Variants in NEXMIF observed in about 807,000 individuals in gnomAD.
The protein encoded by NEXMIF is neurite extension and migration factor, also known as XLMR protein related to neurite extension.
NEXMIF carries 8 observed loss-of-function variants against 62.1 expected under a neutral mutation model. The ratio of observed to expected loss-of-function variants is 0.13; its 90% CI spans 0.08 to 0.23. The LOEUF (loss-of-function observed/expected upper bound fraction) is 0.23, where lower values mean the gene tolerates loss of function less well. Among genes scored for constraint, NEXMIF ranks in the 10% least tolerant of loss-of-function variants. The pLI is 1.00. For synonymous variants in NEXMIF, 404 were observed against 416.6 expected, an observed-to-expected ratio of 0.97 and a Z score of 0.37; for missense variants, 976 against 1,113.3, an observed-to-expected ratio of 0.88 and a Z score of 1.75.
chrX:74,751,813 C>CTCCCTTCCT lies in NEXMIF; in HGVS notation c.-47-6125_-47-6117dup, dbSNP rs1427681100. 1.6e-4 allele frequency among the ~76,000 whole-genome samples: 16 copies of CTCCCTTCCT among 98,145 alleles called. 1 individual carries two copies. In the South Asian group the frequency reaches 2.8e-3, roughly 17 times the overall value. 85.2% of individuals were successfully genotyped at this position (98,145 alleles called of 115,157 possible). Reference sequence around the variant, plus strand: ...TCTTCTTTCCTTCCCTCCCTCCCTCCTCCCTTCCTTCCCTTCCTTCCCTTC... The same window carrying CTCCCTTCCT: ...TCTTCTTTCCTTCCCTCCCTCCCTCCTCCCTTCCTTCCCTTCCTTCCCTTCCTTCCCTTC... On this transcript the variant is annotated intron_variant, in intron 1 of 3. Coordinates refer to ENST00000055682, the MANE Select transcript of NEXMIF (RefSeq NM_001008537.3).
chrX:74,854,725 C>A (rs1243371360), intron 1 of NEXMIF, among the ~76,000 whole-genome samples: 3 of 111,935 alleles, frequency 2.7e-5, no homozygotes, highest in African/African-American at 9.7e-5. Context: ...AACACAAAAT[C>A]AACACACACA....
intron 1 of NEXMIF, among the ~76,000 whole-genome samples, chrX:74,748,818 C>T (rs1007361153): frequency 9.0e-6 from 1 of 111,551 alleles, no homozygotes; most frequent in South Asian, 3.8e-4. Flanking sequence ...CCCACACCAA[C>T]ATTTGTGTTG....
At chrX:74,881,407 CACACACACACACACACAG>C (rs2080662922) in intron 1 of NEXMIF, among the ~76,000 whole-genome samples, 2 of 101,766 alleles carry the variant, frequency 2.0e-5, no homozygotes, top group Non-Finnish European at 3.9e-5. Flanking sequence ...CACACACACA[CACACACACACACACACAG>C]AGCAAATACA....
In NEXMIF at chrX:74,856,498, A is replaced by G. The variant is rs1037510949; in HGVS notation, c.-48+68385T>C. 3.6e-5 allele frequency among the ~76,000 whole-genome samples: 4 copies of G among 111,574 alleles called. No homozygotes were observed. The Admixed American group carries it at 3.8e-4, about 11-fold the overall frequency. ...AGCGGAGGAGAGAGAAAAAGGACGA[A>G]AAGAATACAGTAATGCACTGCGTAA... On this transcript the variant is annotated intron_variant, in intron 1 of 3. Transcript: ENST00000055682.
chrX:74,885,943 A>C (rs1446301054), intron 1 of NEXMIF, among the ~76,000 whole-genome samples: 2 of 111,922 alleles, frequency 1.8e-5, no homozygotes, highest in African/African-American at 3.2e-5. Flanking sequence ...CAAAAAGCTT[A>C]CCCACCATGA....
intron 1 of NEXMIF, among the ~76,000 whole-genome samples, chrX:74,752,953 CAG>C (rs2080148801): frequency 9.0e-6 from 1 of 111,451 alleles, no homozygotes; most frequent in South Asian, 3.7e-4. Context: ...ATATTAGGAA[CAG>C]AGAGATCAAC....
At chrX:74,857,821 A>T (rs1220574983) in intron 1 of NEXMIF, among the ~76,000 whole-genome samples, 1 of 111,529 alleles carries the variant, frequency 9.0e-6, no homozygotes, top group African/African-American at 3.3e-5. Flanking sequence ...CATTTGCCAC[A>T]AGCTGATTGA....
intron 1 of NEXMIF, among the ~76,000 whole-genome samples, chrX:74,918,709 C>T (rs778167925): frequency 8.9e-6 from 1 of 112,327 alleles, no homozygotes; most frequent in South Asian, 3.7e-4. Context: ...TAACATTGAA[C>T]TAAATGAAGC....
chrX:74,834,929 A>G (rs187843744), intron 1 of NEXMIF, among the ~76,000 whole-genome samples: 1 of 111,755 alleles, frequency 8.9e-6, no homozygotes, highest in African/African-American at 3.3e-5. Context: ...TCTAAATGCA[A>G]TAGCTCTTAG....
At chrX:74,882,161 T>C (rs1325496254) in intron 1 of NEXMIF, among the ~76,000 whole-genome samples, 1 of 108,657 alleles carries the variant, frequency 9.2e-6, no homozygotes, top group East Asian at 2.9e-4. Context: ...GAAAATGTGG[T>C]GGGGTGGAGC....
chrX:74,796,178 TATAC>T (rs1163413880), intron 1 of NEXMIF, among the ~76,000 whole-genome samples: 2 of 73,455 alleles, frequency 2.7e-5, no homozygotes, highest in African/African-American at 1.1e-4. Flanking sequence ...ATATTATATA[TATAC>T]ATATATATTA....
rs1164672406 is a variant in NEXMIF at position 74,873,759 on chromosome X, T to C, written c.-48+51124A>G. Among the ~76,000 whole-genome samples the C allele has an allele frequency of 3.6e-5, 4 of 112,561 alleles. No homozygotes were observed. The East Asian group carries it at 1.1e-3, about 31-fold the overall frequency. Reference sequence around the variant, plus strand: ...GATGGCCAGTGATGATGAGCATTTTTTCATGTGTTTTTTGGCTGCATAAAT... The same window carrying C: ...GATGGCCAGTGATGATGAGCATTTTCTCATGTGTTTTTTGGCTGCATAAAT... On this transcript the variant is annotated intron_variant, in intron 1 of 3. Coordinates refer to ENST00000055682, the MANE Select transcript of NEXMIF (RefSeq NM_001008537.3).
chrX:74,873,503 C>G (rs1317502365), intron 1 of NEXMIF, among the ~76,000 whole-genome samples: 2 of 111,969 alleles, frequency 1.8e-5, no homozygotes, highest in Non-Finnish European at 3.8e-5. Context: ...TGGGTATATA[C>G]CCAGTAATGG....
intron 1 of NEXMIF, among the ~76,000 whole-genome samples, chrX:74,746,876 T>C (rs1298677915): frequency 8.9e-6 from 1 of 112,745 alleles, no homozygotes; most frequent in Non-Finnish European, 1.9e-5. Context: ...ATTTGATGCA[T>C]AGGCAATAAA....
chrX:74,762,298 C>T (rs1331307094), intron 1 of NEXMIF, among the ~76,000 whole-genome samples: 1 of 111,054 alleles, frequency 9.0e-6, no homozygotes, highest in Non-Finnish European at 1.9e-5. Flanking sequence ...TGAACTCATC[C>T]TTTTTTATGG....
chrX:74,802,266 T>A (rs2080332091), intron 1 of NEXMIF, among the ~76,000 whole-genome samples: 1 of 111,354 alleles, frequency 9.0e-6, no homozygotes, highest in South Asian at 3.8e-4. Context: ...CCCAGTGTTG[T>A]GCTGGCTTCA....
chrX:74,854,587 C>A (rs999327358), intron 1 of NEXMIF, among the ~76,000 whole-genome samples: 6 of 111,485 alleles, frequency 5.4e-5, no homozygotes, highest in African/African-American at 2.0e-4. Context: ...AGCAATCAGG[C>A]AAGAGAAAGA....
intron 1 of NEXMIF, among the ~76,000 whole-genome samples, chrX:74,918,364 G>T (rs1297419001): frequency 8.9e-6 from 1 of 111,913 alleles, no homozygotes; most frequent in Non-Finnish European, 1.9e-5. Context: ...CACATCTTCA[G>T]GATGTGTTCC....
intron 1 of NEXMIF, among the ~76,000 whole-genome samples, chrX:74,912,893 A>C (rs1459744932): frequency 1.8e-5 from 2 of 112,041 alleles, no homozygotes; most frequent in East Asian, 5.6e-4. Flanking sequence ...ACAAGCAAGC[A>C]GACTTCTACT....
Sources: allele counts gnomAD v4.1 joint callset (sites outside exome capture counted in the v4.1 genomes callset), GRCh38; gene constraint gnomAD v4.1.1; transcripts MANE v1.5; gene names NCBI Gene and HGNC (gene_info 2026-07-23, HGNC 2026-07-21).